ZNF277: variants seen among roughly 807,000 people sequenced by gnomAD.
The protein encoded by ZNF277 is zinc finger protein 277.
In ZNF277, 55 loss-of-function variants were observed where a neutral mutation model predicts 60.7. The ratio of observed to expected loss-of-function variants is 0.91; its 90% CI spans 0.73 to 1.13. The LOEUF is 1.13. Among genes scored for constraint, ZNF277 ranks in the 50% most tolerant of loss-of-function variants. The probability of loss-of-function intolerance (pLI) is 0.00; values close to 1 mark genes in which losing one functional copy is unlikely to be tolerated. For missense variants in ZNF277, 510 were observed against 523.0 expected, an observed-to-expected ratio of 0.98 and a Z score of 0.24; for synonymous variants, 178 against 179.3, an observed-to-expected ratio of 0.99 and a Z score of 0.06.
intron 1 of ZNF277, among the ~76,000 whole-genome samples, chr7:112,228,064 G>C (rs939106847): frequency 3.9e-5 from 6 of 152,010 alleles, no homozygotes; most frequent in Non-Finnish European, 7.4e-5. Flanking sequence ...AGCTCTAGGG[G>C]AGAATCCTTC....
At chr7:112,331,291 A>T (rs1286075244) in intron 7 of ZNF277, among the ~76,000 whole-genome samples, 1 of 152,198 alleles carries the variant, frequency 6.6e-6, no homozygotes, top group Non-Finnish European at 1.5e-5. Flanking sequence ...ATTTTTAAAA[A>T]ATATATATGA....
At chr7:112,249,861 A>T (rs1351294435) in intron 1 of ZNF277, among the ~76,000 whole-genome samples, 1 of 152,074 alleles carries the variant, frequency 6.6e-6, no homozygotes, top group Non-Finnish European at 1.5e-5. Context: ...ACTGAGGAGG[A>T]TGTATATCGC....
intron 7 of ZNF277, among the ~76,000 whole-genome samples, chr7:112,331,340 G>GT (rs760927875): frequency 2.6e-5 from 4 of 152,164 alleles, no homozygotes; most frequent in Non-Finnish European, 5.9e-5. Context: ...AAGAGGTTAT[G>GT]TAACTCTCCA....
chr7:112,241,560 G>A (rs1360174715), intron 1 of ZNF277, among the ~76,000 whole-genome samples: 1 of 152,146 alleles, frequency 6.6e-6, no homozygotes, highest in Non-Finnish European at 1.5e-5. Flanking sequence ...CATGTTTGTT[G>A]CAGCACTGTT....
At chr7:112,314,963 A>G (rs4730527) in intron 4 of ZNF277, among the ~76,000 whole-genome samples, 6,669 of 152,108 alleles carry the variant, frequency 0.044, 352 homozygotes, top group African/African-American at 0.13. Context: ...GTAATTACGT[A>G]TTTGCAGACT....
chr7:112,336,874 T>A (rs1192842534), intron 8 of ZNF277, among the ~76,000 whole-genome samples: 4 of 152,260 alleles, frequency 2.6e-5, no homozygotes, highest in Admixed American at 2.6e-4. Flanking sequence ...AATGTTAAAG[T>A]TTTAATGACA....
At chr7:112,246,874 C>T (rs1791098191) in intron 1 of ZNF277, among the ~76,000 whole-genome samples, 1 of 152,128 alleles carries the variant, frequency 6.6e-6, no homozygotes, top group African/African-American at 2.4e-5. Flanking sequence ...AGAAAAAGAA[C>T]ATTTATCTTA....
intron 10 of ZNF277, 102 bp from the exon 11 acceptor site, chr7:112,340,770 C>A: frequency 1.1e-6 from 1 of 951,394 alleles, no homozygotes; most frequent in Non-Finnish European, 1.6e-6. Flanking sequence ...ACTGCCTCTT[C>A]AGGTTGATTA....
At chr7:112,206,855 A>G (rs747670006) in intron 1 of ZNF277, 48 bp downstream of exon 1, 6 of 1,581,976 alleles carry the variant, frequency 3.8e-6, no homozygotes, top group Admixed American at 1.7e-5. Flanking sequence ...TCCTTTCTCT[A>G]TGACCGGGTG....
At chr7:112,321,217 G>A (rs368061378) in intron 5 of ZNF277, among the ~76,000 whole-genome samples, 4 of 151,698 alleles carry the variant, frequency 2.6e-5, no homozygotes, top group East Asian at 1.9e-4. Context: ...CACCGCACCC[G>A]GCTCCCTTGT....
intron 5 of ZNF277, among the ~76,000 whole-genome samples, chr7:112,326,393 C>T (rs982102898): frequency 2.6e-5 from 4 of 152,088 alleles, no homozygotes; most frequent in Non-Finnish European, 5.9e-5. Flanking sequence ...CACACACACA[C>T]CTACCACACT....
At chr7:112,328,947 A>G (rs1793163375) in intron 6 of ZNF277, among the ~76,000 whole-genome samples, 2 of 152,162 alleles carry the variant, frequency 1.3e-5, no homozygotes, top group Non-Finnish European at 2.9e-5. Flanking sequence ...TCAAATTTTG[A>G]TGTCACCACT....
At chr7:112,268,258 G>T (rs183073916) in intron 1 of ZNF277, among the ~76,000 whole-genome samples, 1 of 150,272 alleles carries the variant, frequency 6.7e-6, no homozygotes, top group Non-Finnish European at 1.5e-5. Flanking sequence ...GCACACACAC[G>T]CACACACAAA....
intron 2 of ZNF277, 175 bp downstream of exon 2, chr7:112,287,249 C>T: frequency 1.6e-6 from 1 of 617,602 alleles, no homozygotes; most frequent in South Asian, 2.0e-5. Flanking sequence ...ATGGCATGCA[C>T]CTGTAGTTCC....
intron 4 of ZNF277, among the ~76,000 whole-genome samples, 169 bp from the exon 5 acceptor site, chr7:112,318,013 C>T (rs183901432): frequency 4.7e-4 from 72 of 152,168 alleles, no homozygotes; most frequent in African/African-American, 1.7e-3. Context: ...TTTTATGGGA[C>T]AGACTTGGAG....
At chr7:112,311,419 C>G (rs1233160335) in intron 4 of ZNF277, among the ~76,000 whole-genome samples, 1 of 152,118 alleles carries the variant, frequency 6.6e-6, no homozygotes, top group South Asian at 2.1e-4. Context: ...TTTTTATCAG[C>G]TTCTTTGAGA....
At chr7:112,277,370 C>T (rs1004606483) in intron 1 of ZNF277, among the ~76,000 whole-genome samples, 2 of 152,132 alleles carry the variant, frequency 1.3e-5, no homozygotes, top group Non-Finnish European at 2.9e-5. Context: ...GCGTGAGCCA[C>T]CACGCCTGGC....
At chr7:112,341,473 C>A (rs1302149156) in intron 11 of ZNF277, among the ~76,000 whole-genome samples, 2 of 152,286 alleles carry the variant, frequency 1.3e-5, no homozygotes, top group African/African-American at 2.4e-5. Context: ...TATAATGATA[C>A]AGTGAATCTA....
intron 6 of ZNF277, among the ~76,000 whole-genome samples, chr7:112,329,311 A>T (rs1158806150): frequency 6.6e-6 from 1 of 152,316 alleles, no homozygotes; most frequent in African/African-American, 2.4e-5. Flanking sequence ...ATTATAATAC[A>T]TGTTGTATCA....
Sources: gnomAD v4.1 joint callset for allele counts (sites outside exome capture counted in the v4.1 genomes callset) on GRCh38, gnomAD v4.1.1 for gene constraint, MANE v1.5 for transcripts, NCBI Gene and HGNC (gene_info 2026-07-23, HGNC 2026-07-21) for gene names.